ASPSCR1: variants seen among roughly 807,000 people sequenced by gnomAD.
ASPSCR1 encodes tether containing UBX domain for GLUT4.
Under a neutral mutation model 68.9 loss-of-function variants are expected in ASPSCR1, and 55 were observed. That is an observed-to-expected ratio of 0.80 (90% CI 0.64 to 1.00). ASPSCR1 has a LOEUF of 1.00. ASPSCR1 is among the 50% of genes least tolerant of loss of function. ASPSCR1 has a pLI of 0.00. For synonymous variants in ASPSCR1, 352 were observed against 332.6 expected (o/e 1.06, Z -0.63); for missense variants, 765 against 762.2 (o/e 1.00, Z -0.04).
intron 12 of ASPSCR1, chr17:82,015,167 A>C: frequency 6.3e-7 from 1 of 1,598,272 alleles, no homozygotes; most frequent in Non-Finnish European, 8.5e-7. Flanking sequence ...TGCCAGTGGT[A>C]GGAGATGGAG....
chr17:81,997,357 A>G (rs1226398294), intron 7 of ASPSCR1, among the ~76,000 whole-genome samples: 2 of 152,112 alleles, frequency 1.3e-5, no homozygotes, highest in Non-Finnish European at 2.9e-5. Flanking sequence ...GGTTATGGCC[A>G]GGGAAGGGGG....
Position 81,994,846 on chromosome 17 carries a change from G to C in ASPSCR1, c.400G>C (p.Ala134Pro). Reference protein sequence around the residue: ...IRECLQHPGGATPVCVYTRDE... With the variant: ...IRECLQHPGGPTPVCVYTRDE... Reference sequence around the variant, plus strand: ...GGAGTGCCTGCAGCACCCCGGCGGGGCCACCCCAGTCTGCGTGTACACGAG... The same window carrying C: ...GGAGTGCCTGCAGCACCCCGGCGGGCCCACCCCAGTCTGCGTGTACACGAG... The change falls in exon 5 of 16, where the codon GCC becomes CCC. Residue 134 changes from alanine to proline, a missense_variant. Physicochemically the swap from Ala to Pro is conservative, Grantham distance 27. Coordinates refer to ENST00000306739, the MANE Select transcript of ASPSCR1 (RefSeq NM_024083.4). 1 of 1,613,302 alleles carries C rather than the reference G, an allele frequency of 6.2e-7. No individual in the cohort carries two copies. Among genetic ancestry groups the C allele is most frequent in the Non-Finnish European group, 8.5e-7 (1 of 1,179,934 alleles).
In ASPSCR1 at chr17:81,991,553, CCATCCCTGCCCGTCCCTGTT is replaced by C. The variant is rs986528410; in HGVS notation, c.375-3259_375-3240del. On this transcript the variant is annotated intron_variant, in intron 4 of 15. Transcript: ENST00000306739. ...TCAGAGCTCTGCGGCCCGTCCCTGT[CCATCCCTGCCCGTCCCTGTT>C]CATCCCTGTCCGTCCTTGTCCATTC... Among the ~76,000 whole-genome samples the C allele has an allele frequency of 4.6e-4, 70 of 152,276 alleles. 3 individuals are homozygous for C. The East Asian group carries it at 0.013, about 29-fold the overall frequency.
At chr17:81,995,946 G>C (rs766594216) in intron 5 of ASPSCR1, 46 bp from the exon 6 acceptor site, 1 of 1,584,578 alleles carries the variant, frequency 6.3e-7, no homozygotes, top group Non-Finnish European at 8.6e-7. Flanking sequence ...CCTGGGCTCT[G>C]GGGTCCCGGT....
chr17:81,996,948 G>C, intron 7 of ASPSCR1, 102 bp downstream of exon 7: 2 of 1,507,292 alleles, frequency 1.3e-6, no homozygotes, highest in Non-Finnish European at 1.8e-6. Flanking sequence ...GCCGTGATGC[G>C]GGCAGAGGAA....
chr17:82,010,467 T>C (rs1246323602), intron 9 of ASPSCR1, among the ~76,000 whole-genome samples: 1 of 142,358 alleles, frequency 7.0e-6, no homozygotes, highest in East Asian at 2.1e-4. Context: ...AGGTGGAGCT[T>C]ACAGTGAGCC....
At chr17:82,011,741 C>T in intron 11 of ASPSCR1, 136 bp downstream of exon 11, 1 of 936,146 alleles carries the variant, frequency 1.1e-6, no homozygotes, top group Non-Finnish European at 1.6e-6. Flanking sequence ...GCCCAGGTGC[C>T]TCCTGCAGCC....
At chr17:82,011,493 G>A in intron 10 of ASPSCR1, 50 bp from the exon 11 acceptor site, 1 of 1,539,778 alleles carries the variant, frequency 6.5e-7, no homozygotes, top group Admixed American at 2.1e-5. Flanking sequence ...GGGCAGCCCG[G>A]GGCTGGCGTG....
Position 82,017,392 on chromosome 17 carries a change from T to C in ASPSCR1, c.*70T>C. 6.2e-7 allele frequency: 1 copy of C among 1,606,214 alleles called. No individual in the cohort carries two copies. ...CTCCTCTGCCAGCAGGAATAAAGAC[T>C]TGTGCATCCCTCAACGCCTTCCTGT... On this transcript the variant is annotated 3_prime_UTR_variant, in exon 16 of 16. Coordinates refer to ENST00000306739, the MANE Select transcript of ASPSCR1 (RefSeq NM_024083.4).
intron 2 of ASPSCR1, among the ~76,000 whole-genome samples, chr17:81,981,400 G>A (rs777196112): frequency 2.0e-4 from 30 of 152,098 alleles, no homozygotes; most frequent in Admixed American, 1.7e-3. Flanking sequence ...ATTTTTTGAG[G>A]TGGAGTCTCG....
intron 7 of ASPSCR1, among the ~76,000 whole-genome samples, chr17:81,998,869 G>A (rs973220109): frequency 6.6e-5 from 10 of 152,232 alleles, no homozygotes; most frequent in East Asian, 5.8e-4. Context: ...GGCCCTTGGC[G>A]GGGAGTGCAT....
In ASPSCR1 at chr17:81,985,578, G is replaced by A; in HGVS notation, c.345G>A (p.Trp115Ter). ...CTTTCTGTTCAGGCCAGACCCTCTG[G>A]GAGCTTCTCAGCCATTTTCCACAGA... ...QDSFCSGQTL[W>*]ELLSHFPQIR... The change falls in exon 4 of 16, where the codon TGG (tryptophan) becomes TGA (stop). Residue 115 changes from tryptophan (W) to a stop codon, truncating the protein, a stop_gained. Coordinates refer to ENST00000306739, the MANE Select transcript of ASPSCR1 (RefSeq NM_024083.4). LOFTEE classifies it high-confidence loss of function. 2 of 1,614,010 alleles carry A rather than the reference G, an allele frequency of 1.2e-6. No individual in the cohort carries two copies. The highest frequency in any genetic ancestry group is 1.7e-6 in the Non-Finnish European group (2 of 1,180,016).
intron 4 of ASPSCR1, among the ~76,000 whole-genome samples, chr17:81,994,133 G>T (rs534547450): frequency 6.2e-4 from 94 of 152,400 alleles, no homozygotes; most frequent in Admixed American, 2.6e-3. Flanking sequence ...CTCCCGGGCT[G>T]CCATGCACAT....
At chr17:82,015,446 C>A in intron 12 of ASPSCR1, 1 of 1,450,310 alleles carries the variant, frequency 6.9e-7, no homozygotes, top group South Asian at 1.4e-5. Flanking sequence ...ACTTCCCTCT[C>A]CTGGTGTTCC....
rs190025024 is a variant in ASPSCR1 at position 81,978,610 on chromosome 17, C to T, written c.103-574C>T. On this transcript the variant is annotated intron_variant, in intron 1 of 15. Transcript: ENST00000306739. The stretch of plus-strand genomic sequence containing the variant: ...GAAGGTGCACACGACTCGGAGTTTG[C>T]GGGAGCAGCCCACGGCGTGGGGTCC... The T allele has an allele frequency of 2.2e-3, 336 of 152,710 alleles. 4 individuals are homozygous for T. The highest frequency in any genetic ancestry group is 0.011 in the South Asian group (57 of 5,044). 9.5% of individuals were successfully genotyped at this position (152,710 alleles called of 1,614,324 possible). A position where few individuals can be genotyped will look rare whatever the true frequency, so the allele number is the denominator to read the frequency against.
rs557905875 is a variant in ASPSCR1, at chr17:81,991,336, G to A, written c.375-3485G>A. Among the ~76,000 whole-genome samples, 230 of 152,308 alleles carry A rather than the reference G, an allele frequency of 1.5e-3. 1 individual carries two copies. Among genetic ancestry groups the A allele is most frequent in the African/African-American group, 5.4e-3 (223 of 41,568 alleles). ...AGCCTTGACTCAGTGCTTGGGGGCT[G>A]GCTGAGTGCATCTCAGCCTGTTCCT... On this transcript the variant is annotated intron_variant, in intron 4 of 15. Transcript: ENST00000306739.
At chr17:81,981,553 ATT>A (rs908303085) in intron 2 of ASPSCR1, among the ~76,000 whole-genome samples, 1 of 151,662 alleles carries the variant, frequency 6.6e-6, no homozygotes, top group Non-Finnish European at 1.5e-5. Flanking sequence ...TAATTTTTGT[ATT>A]TTTAGTAGGG....
chr17:81,979,313 C>A, intron 2 of ASPSCR1, 74 bp downstream of exon 2: 1 of 1,523,162 alleles, frequency 6.6e-7, no homozygotes, highest in Non-Finnish European at 9.1e-7. Flanking sequence ...CTGGCTCTCA[C>A]TTGGAAAAGC....
chr17:82,007,885 G>T (rs2042775132), intron 7 of ASPSCR1: 1 of 152,306 alleles, frequency 6.6e-6, no homozygotes, highest in Non-Finnish European at 1.5e-5. Context: ...CTGCAGGATG[G>T]TTGTGGCTTT....
Sources: gnomAD v4.1 joint callset for allele counts (sites outside exome capture counted in the v4.1 genomes callset) on GRCh38, gnomAD v4.1.1 for gene constraint, MANE v1.5 for transcripts, NCBI Gene and HGNC (gene_info 2026-07-23, HGNC 2026-07-21) for gene names.